CAPS2: variants seen among roughly 807,000 people sequenced by gnomAD.
CAPS2 encodes calcyphosin-2.
A neutral mutation model predicts 86.5 loss-of-function variants in CAPS2; 98 were observed. That is an observed-to-expected ratio of 1.13 (90% CI 0.96 to 1.34). The LOEUF (loss-of-function observed/expected upper bound fraction) is 1.34, where lower values mean the gene tolerates loss of function less well. Ranked by LOEUF, CAPS2 falls within the 40% of genes most tolerant of loss-of-function variation. CAPS2 has a pLI of 0.00. For synonymous variants in CAPS2, 210 were observed against 225.1 expected (o/e 0.93, Z 0.60); for missense variants, 729 against 686.8 (o/e 1.06, Z -0.69).
chr12:75,350,211 C>A (rs781714504), intron 1 of CAPS2, among the ~76,000 whole-genome samples: 13 of 152,224 alleles, frequency 8.5e-5, no homozygotes, highest in Non-Finnish European at 1.5e-4. Flanking sequence ...GCACCCCCAG[C>A]CAGGGGTTTA....
At chr12:75,334,759 T>G (rs543052290), upstream of CAPS2, 1 of 1,614,002 alleles carries the variant, frequency 6.2e-7, no homozygotes, top group Non-Finnish European at 8.5e-7. Flanking sequence ...CAGTTGTTTA[T>G]GGATCTTGGG....
At chr12:75,383,172 T>C (rs1034023774) in intron 1 of CAPS2, among the ~76,000 whole-genome samples, 5 of 152,214 alleles carry the variant, frequency 3.3e-5, no homozygotes, top group African/African-American at 1.2e-4. Context: ...TAGAATATAA[T>C]GCATTAAAAT....
upstream of CAPS2, chr12:75,334,002 T>G (rs1172087513): frequency 6.6e-6 from 1 of 152,200 alleles, no homozygotes; most frequent in Non-Finnish European, 1.5e-5. Context: ...GTGTATCAAT[T>G]AAAGCAACTC....
At chr12:75,379,216 G>A (rs1483582435) in intron 1 of CAPS2, among the ~76,000 whole-genome samples, 1 of 152,126 alleles carries the variant, frequency 6.6e-6, no homozygotes, top group Non-Finnish European at 1.5e-5. Context: ...CCCTGATGAA[G>A]AGGTACTTGT....
intron 1 of CAPS2, chr12:75,390,391 G>A: frequency 2.2e-6 from 1 of 456,206 alleles, no homozygotes; most frequent in South Asian, 1.5e-5. Flanking sequence ...GCTGATGAGA[G>A]AAGAAGTAGA....
At chr12:75,342,604 T>C (rs2042192064) in intron 1 of CAPS2, among the ~76,000 whole-genome samples, 1 of 152,178 alleles carries the variant, frequency 6.6e-6, no homozygotes, top group Non-Finnish European at 1.5e-5. Flanking sequence ...TTATGATAAA[T>C]ATTGATATCT....
chr12:75,356,879 T>C (rs1211460400), intron 1 of CAPS2, among the ~76,000 whole-genome samples: 1 of 152,136 alleles, frequency 6.6e-6, no homozygotes, highest in South Asian at 2.1e-4. Flanking sequence ...AAGTTTACCA[T>C]GCTAACATCA....
chr12:75,325,198 G>T, intron 2 of CAPS2, 41 bp downstream of exon 3: 1 of 1,520,300 alleles, frequency 6.6e-7, no homozygotes, highest in African/African-American at 1.4e-5. Flanking sequence ...TGTTATATAT[G>T]TGCCCATTAA....
intron 1 of CAPS2, among the ~76,000 whole-genome samples, chr12:75,367,482 A>C (rs1162474802): frequency 6.6e-6 from 1 of 151,982 alleles, no homozygotes; most frequent in Non-Finnish European, 1.5e-5. Context: ...ACACAGGGTC[A>C]GAGTCATCAA....
chr12:75,341,026 C>T (rs575055888), intron 1 of CAPS2, among the ~76,000 whole-genome samples: 222 of 150,702 alleles, frequency 1.5e-3, no homozygotes, highest in South Asian at 2.7e-3. Flanking sequence ...TTGGCAATTT[C>T]TTACAAAAAA....
rs80201558 is a variant in CAPS2 at position 75,375,718 on chromosome 12, C to T, written c.-395+15120G>A. On this transcript the variant is annotated intron_variant, in intron 1 of 5. Transcript: ENST00000551829. ...CTATCAATTTTACTTCTAGAAACAC[C>T]GTAATTAATTAGCCAGTGCTAGAGG... Among the ~76,000 whole-genome samples, 989 of 152,172 alleles carry T rather than the reference C, an allele frequency of 6.5e-3. 9 individuals are homozygous for T. Among genetic ancestry groups the T allele is most frequent in the African/African-American group, 0.022 (910 of 41,522 alleles).
At chr12:75,307,599 T>C (rs1277637703) in intron 7 of CAPS2, among the ~76,000 whole-genome samples, 1 of 152,234 alleles carries the variant, frequency 6.6e-6, no homozygotes, top group African/African-American at 2.4e-5. Flanking sequence ...TTTAAGGTTA[T>C]GGATATTCCA....
rs192826315 is a variant in CAPS2 at position 75,277,519 on chromosome 12, A to T, written c.*1371T>A. 3,765 of 916,534 alleles carry T rather than the reference A, an allele frequency of 4.1e-3. 11 individuals are homozygous for T. Among genetic ancestry groups the T allele is most frequent in the Admixed American group, 5.6e-3 (90 of 16,108 alleles). The allele number at this position is 916,534 out of a possible 1,614,324, so 56.8% of individuals were successfully genotyped here. A position where few individuals can be genotyped will look rare whatever the true frequency, so the allele number is the denominator to read the frequency against. On this transcript the variant is annotated 3_prime_UTR_variant, in exon 17 of 17. Transcript: ENST00000393284. ...TTTTAATTTTAATAACCTAATTTTT[A>T]AAAAAATCAAGAAATAAAGAATTTA... is the stretch of plus-strand genomic sequence containing the variant.
At chr12:75,370,250 T>C in intron 1 of CAPS2, 1 of 779,532 alleles carries the variant, frequency 1.3e-6, no homozygotes, top group Non-Finnish European at 2.2e-6. Context: ...TAACTTATCA[T>C]CACTTTGCTT....
At chr12:75,325,330 A>C in intron 1 of CAPS2, 42 bp from the exon 3 acceptor site, 1 of 1,326,712 alleles carries the variant, frequency 7.5e-7, no homozygotes, top group Non-Finnish European at 1.0e-6. Context: ...TATAAATATG[A>C]ATATACCCTT....
chr12:75,292,660 T>C (rs1289193692), intron 12 of CAPS2, among the ~76,000 whole-genome samples: 1 of 147,304 alleles, frequency 6.8e-6, no homozygotes, highest in African/African-American at 2.5e-5. Context: ...AATAGATCTA[T>C]ATATAATGTA....
At chr12:75,344,632 A>G (rs1260789717) in intron 1 of CAPS2, among the ~76,000 whole-genome samples, 1 of 152,074 alleles carries the variant, frequency 6.6e-6, no homozygotes, top group Non-Finnish European at 1.5e-5. Flanking sequence ...TCTCTTCATT[A>G]TGAATCGAAT....
chr12:75,325,591 A>G (rs1285877249), intron 1 of CAPS2, among the ~76,000 whole-genome samples: 1 of 152,098 alleles, frequency 6.6e-6, no homozygotes, highest in Non-Finnish European at 1.5e-5. Context: ...AACCTACTCT[A>G]GGGAATTTAG....
At chr12:75,389,745 C>T (rs888800213) in intron 1 of CAPS2, among the ~76,000 whole-genome samples, 1 of 152,100 alleles carries the variant, frequency 6.6e-6, no homozygotes, top group Admixed American at 6.5e-5. Context: ...TATACAATTT[C>T]CAGAAAGGCT....
Sources: gnomAD v4.1 joint callset for allele counts (sites outside exome capture counted in the v4.1 genomes callset) on GRCh38, gnomAD v4.1.1 for gene constraint, MANE v1.5 for transcripts, NCBI Gene and HGNC (gene_info 2026-07-23, HGNC 2026-07-21) for gene names.